The following REDIC1 variants were observed in gnomAD, a reference collection of about 807,000 sequenced individuals.
REDIC1 encodes the protein regulator of DNA class I crossover intermediates 1.
At chr12:39,884,490 A>G in the REDIC1 span, among the ~76,000 whole-genome samples, 1 of 152,254 alleles carries the variant, frequency 6.6e-6, no homozygotes. Context: ...ACAAATATTT[A>G]GACATTTTCA....
At chr12:39,679,100 ACAGT>A in the REDIC1 span, among the ~76,000 whole-genome samples, 2 of 152,134 alleles carry the variant, frequency 1.3e-5, no homozygotes, top group Non-Finnish European at 2.9e-5. Flanking sequence ...CCTAGCCAGA[ACAGT>A]CAGACAAGAG....
At chr12:39,678,629 C>CA in the REDIC1 span, among the ~76,000 whole-genome samples, 102 of 96,198 alleles carry the variant, frequency 1.1e-3, no homozygotes, top group South Asian at 7.2e-3. Flanking sequence ...AAAGGCATAA[C>CA]AAAAAAAAAA....
chr12:39,631,659 T>C, the REDIC1 span, among the ~76,000 whole-genome samples: 2 of 152,240 alleles, frequency 1.3e-5, no homozygotes, highest in Non-Finnish European at 2.9e-5. Context: ...AAACAAAAAT[T>C]GGATAGTATC....
At chr12:39,678,078 G>T in the REDIC1 span, among the ~76,000 whole-genome samples, 5 of 151,892 alleles carry the variant, frequency 3.3e-5, no homozygotes, top group East Asian at 9.7e-4. Context: ...CAGAAGAAAA[G>T]AAATATAAAG....
At chr12:39,727,161 C>A in the REDIC1 span, among the ~76,000 whole-genome samples, 1 of 152,128 alleles carries the variant, frequency 6.6e-6, no homozygotes, top group African/African-American at 2.4e-5. Context: ...TTAATTAGAT[C>A]CCATTTGTCA....
At chr12:39,634,078 C>T in the REDIC1 span, among the ~76,000 whole-genome samples, 3 of 152,128 alleles carry the variant, frequency 2.0e-5, no homozygotes, top group South Asian at 2.1e-4. Flanking sequence ...GAAGGTTCTT[C>T]CATTTGTTTG....
chr12:39,705,701 G>A, the REDIC1 span, among the ~76,000 whole-genome samples: 1 of 151,956 alleles, frequency 6.6e-6, no homozygotes, highest in African/African-American at 2.4e-5. Context: ...ACAGAATGAA[G>A]GACAAGAAAC....
the REDIC1 span, among the ~76,000 whole-genome samples, chr12:39,840,424 T>C: frequency 1.3e-5 from 2 of 152,046 alleles, no homozygotes; most frequent in Non-Finnish European, 2.9e-5. Context: ...CCATTGCCTA[T>C]AGGATGAAAA....
At chr12:39,729,611 G>A in the REDIC1 span, among the ~76,000 whole-genome samples, 13 of 152,202 alleles carry the variant, frequency 8.5e-5, no homozygotes, top group Non-Finnish European at 1.6e-4. Context: ...AGTGTGATGT[G>A]GTGCTGAGAA....
At chr12:39,667,087 C>G in the REDIC1 span, among the ~76,000 whole-genome samples, 5 of 151,976 alleles carry the variant, frequency 3.3e-5, no homozygotes, top group Admixed American at 1.3e-4. Flanking sequence ...TCTGATCTTA[C>G]TTATTTCTTG....
At chr12:39,655,983 T>C in the REDIC1 span, among the ~76,000 whole-genome samples, 1 of 152,182 alleles carries the variant, frequency 6.6e-6, no homozygotes, top group Non-Finnish European at 1.5e-5. Flanking sequence ...CATCAGGTTT[T>C]TTTTTTCTTC....
At chr12:39,747,701 G>A in the REDIC1 span, among the ~76,000 whole-genome samples, 1 of 152,214 alleles carries the variant, frequency 6.6e-6, no homozygotes, top group South Asian at 2.1e-4. Context: ...CCCACAAAGG[G>A]AAGCCCATCA....
At chr12:39,832,760 A>G in the REDIC1 span, among the ~76,000 whole-genome samples, 2 of 152,008 alleles carry the variant, frequency 1.3e-5, no homozygotes, top group African/African-American at 4.8e-5. Context: ...ACCACTTCCC[A>G]TCATTTCAAT....
the REDIC1 span, chr12:39,764,747 G>A: frequency 6.2e-7 from 1 of 1,612,574 alleles, no homozygotes; most frequent in South Asian, 1.1e-5. Flanking sequence ...CAGGTGCAAA[G>A]AAGACAAGAT....
chr12:39,752,521 G>A, the REDIC1 span, among the ~76,000 whole-genome samples: 1 of 152,088 alleles, frequency 6.6e-6, no homozygotes. Context: ...AAACAGGCAA[G>A]GGATAAGAAA....
the REDIC1 span, among the ~76,000 whole-genome samples, chr12:39,628,927 C>T: frequency 6.6e-6 from 1 of 152,132 alleles, no homozygotes; most frequent in Non-Finnish European, 1.5e-5. Flanking sequence ...ACTAGAGGCA[C>T]CCAGCTAGTA....
the REDIC1 span, chr12:39,683,488 A>C: frequency 1.3e-5 from 21 of 1,575,542 alleles, no homozygotes; most frequent in Non-Finnish European, 1.8e-5. Flanking sequence ...ACTCTATGTA[A>C]GTTTTTAGGT....
At chr12:39,753,765 C>T in the REDIC1 span, among the ~76,000 whole-genome samples, 1 of 152,292 alleles carries the variant, frequency 6.6e-6, no homozygotes, top group East Asian at 1.9e-4. Flanking sequence ...TATGCTACTG[C>T]TCTACTTGCT....
chr12:39,876,999 T>C, the REDIC1 span, among the ~76,000 whole-genome samples: 1 of 152,202 alleles, frequency 6.6e-6, no homozygotes, highest in African/African-American at 2.4e-5. Context: ...CCTAGTGCTA[T>C]AAATATATAT....
Sources: allele counts gnomAD v4.1 joint callset (sites outside exome capture counted in the v4.1 genomes callset), GRCh38; gene constraint gnomAD v4.1.1; transcripts MANE v1.5; gene names NCBI Gene and HGNC (gene_info 2026-07-23, HGNC 2026-07-21).